Variants in NPAS3 observed in about 807,000 individuals in gnomAD.
The protein encoded by NPAS3 is neuronal PAS domain-containing protein 3.
NPAS3 carries 14 observed loss-of-function variants against 73.1 expected under a neutral mutation model. The observed-to-expected ratio is 0.19, with a 90% CI of 0.13 to 0.30. The LOEUF (loss-of-function observed/expected upper bound fraction) is 0.30. Among genes scored for constraint, NPAS3 ranks in the 10% least tolerant of loss-of-function variants. The pLI is 1.00. For missense variants in NPAS3, 1,096 were observed against 1,250.0 expected (o/e 0.88, Z 1.86); for synonymous variants, 620 against 541.5 (o/e 1.14, Z -2.01).
At position 33,130,094 on chromosome 14, in the gene NPAS3, A is replaced by T. The variant is rs771069085; in HGVS notation, c.140+74100A>T. ...TGTATGTGTTAACGTTTTTTCTGGT[A>T]TAGCAATTATAACTGATAAGGTATC... On this transcript the variant is annotated intron_variant, in intron 2 of 11. Coordinates refer to ENST00000356141, the Ensembl canonical transcript of NPAS3. 3.3e-5 allele frequency among the ~76,000 whole-genome samples: 5 copies of T among 152,314 alleles called. No individual in the cohort carries two copies. In the South Asian group the frequency reaches 1.0e-3, roughly 32 times the overall value.
At chr14:33,510,077 G>A (rs2052971880) in intron 4 of NPAS3, among the ~76,000 whole-genome samples, 1 of 152,028 alleles carries the variant, frequency 6.6e-6, no homozygotes, top group African/African-American at 2.4e-5. Flanking sequence ...AGAGCTCTCA[G>A]GACATGCTCC....
chr14:33,690,738 T>C (rs2060212447), intron 6 of NPAS3, among the ~76,000 whole-genome samples: 2 of 152,188 alleles, frequency 1.3e-5, no homozygotes, highest in African/African-American at 4.8e-5. Context: ...ATATATTGTG[T>C]TGAAAATTTT....
At chr14:33,283,921 G>A (rs963455469) in intron 3 of NPAS3, among the ~76,000 whole-genome samples, 1 of 152,150 alleles carries the variant, frequency 6.6e-6, no homozygotes, top group African/African-American at 2.4e-5. Flanking sequence ...ACCCTGTGAG[G>A]ATCAGAATTG....
chr14:33,782,941 A>G (rs1195882556), intron 9 of NPAS3, among the ~76,000 whole-genome samples: 2 of 152,162 alleles, frequency 1.3e-5, no homozygotes, highest in African/African-American at 4.8e-5. Context: ...GTTTTGCATC[A>G]ATAACCCCTA....
In NPAS3 at chr14:33,033,900, G is replaced by A. The variant is rs187156971; in HGVS notation, c.51-22005G>A. ...TATCCACTGGCCTTTAGCCTTTGAA[G>A]CTTATGCATAATACACAACTACATT... On this transcript the variant is annotated intron_variant, in intron 1 of 11. Coordinates refer to ENST00000356141, the Ensembl canonical transcript of NPAS3. 3.3e-5 allele frequency among the ~76,000 whole-genome samples: 5 copies of A among 152,292 alleles called. No individual in the cohort carries two copies. The East Asian group carries it at 9.6e-4, about 29-fold the overall frequency.
intron 4 of NPAS3, among the ~76,000 whole-genome samples, chr14:33,395,097 A>G (rs1035306740): frequency 6.6e-6 from 1 of 152,150 alleles, no homozygotes. Flanking sequence ...AGAATTGCAA[A>G]TAGCGAGGAT....
At chr14:32,996,835 C>T (rs1442802681) in intron 1 of NPAS3, among the ~76,000 whole-genome samples, 4 of 152,170 alleles carry the variant, frequency 2.6e-5, no homozygotes, top group Non-Finnish European at 5.9e-5. Context: ...GGGGTCGGGG[C>T]TCCCACACAG....
intron 4 of NPAS3, among the ~76,000 whole-genome samples, chr14:33,544,800 A>AT (rs879614392): frequency 0.013 from 1,098 of 84,602 alleles, 55 homozygotes; most frequent in African/African-American, 0.041. Context: ...ATATATATAT[A>AT]TATATATATA....
At chr14:33,130,892 C>T (rs2139105012) in intron 2 of NPAS3, among the ~76,000 whole-genome samples, 1 of 152,282 alleles carries the variant, frequency 6.6e-6, no homozygotes, top group African/African-American at 2.4e-5. Flanking sequence ...TGATTTGAAG[C>T]TTGTGTTATA....
At chr14:33,451,922 G>A (rs977564679) in intron 4 of NPAS3, among the ~76,000 whole-genome samples, 3 of 152,134 alleles carry the variant, frequency 2.0e-5, no homozygotes, top group African/African-American at 7.2e-5. Flanking sequence ...CACAGGCAGG[G>A]TATGTATGGG....
intron 2 of NPAS3, among the ~76,000 whole-genome samples, chr14:33,178,985 C>CT (rs1477687870): frequency 6.6e-6 from 1 of 151,930 alleles, no homozygotes; most frequent in Non-Finnish European, 1.5e-5. Flanking sequence ...GTAGAAAATC[C>CT]TTTTTTAGTC....
chr14:33,323,496 C>T (rs1051795488), intron 3 of NPAS3, among the ~76,000 whole-genome samples: 1 of 152,270 alleles, frequency 6.6e-6, no homozygotes, highest in Middle Eastern at 3.4e-3. Flanking sequence ...GTTCAGTAAA[C>T]AGTTGAACTA....
intron 2 of NPAS3, among the ~76,000 whole-genome samples, chr14:33,163,074 G>A (rs982948047): frequency 4.6e-5 from 7 of 152,156 alleles, no homozygotes; most frequent in South Asian, 2.1e-4. Context: ...TCAAAAAACC[G>A]TGCAGTGTTA....
intron 4 of NPAS3, among the ~76,000 whole-genome samples, chr14:33,406,847 AG>A (rs1566874253): frequency 1.3e-5 from 2 of 152,192 alleles, no homozygotes; most frequent in East Asian, 3.9e-4. Context: ...TTGTGCTTGG[AG>A]GGCAGACCCT....
At chr14:33,399,240 C>T (rs988649032) in intron 4 of NPAS3, among the ~76,000 whole-genome samples, 2 of 152,064 alleles carry the variant, frequency 1.3e-5, no homozygotes, top group Admixed American at 1.3e-4. Context: ...ACTTGCTTTT[C>T]ATTAGTGAGA....
At chr14:33,669,589 T>C (rs1415780786) in intron 5 of NPAS3, among the ~76,000 whole-genome samples, 2 of 152,164 alleles carry the variant, frequency 1.3e-5, no homozygotes, top group Non-Finnish European at 2.9e-5. Flanking sequence ...AAATGCAGCG[T>C]ATAATTTACC....
intron 4 of NPAS3, among the ~76,000 whole-genome samples, chr14:33,396,625 A>G (rs912776172): frequency 6.6e-6 from 1 of 152,128 alleles, no homozygotes; most frequent in Admixed American, 6.5e-5. Flanking sequence ...TTCACAAATT[A>G]TGCATAATCT....
chr14:33,308,531 TACACACAC>T (rs550021518), intron 3 of NPAS3, among the ~76,000 whole-genome samples: 1 of 116,002 alleles, frequency 8.6e-6, no homozygotes, highest in African/African-American at 4.0e-5. Flanking sequence ...TATATATACA[TACACACAC>T]ACACACACAC....
chr14:33,566,167 T>C (rs926710054), intron 5 of NPAS3, among the ~76,000 whole-genome samples: 2 of 152,108 alleles, frequency 1.3e-5, no homozygotes, highest in Non-Finnish European at 2.9e-5. Context: ...TGCTTGGTGG[T>C]GAAGGCCTAC....
Sources: allele counts gnomAD v4.1 joint callset (sites outside exome capture counted in the v4.1 genomes callset), GRCh38; gene constraint gnomAD v4.1.1; transcripts MANE v1.5; gene names NCBI Gene and HGNC (gene_info 2026-07-23, HGNC 2026-07-21).